PTPN3: variants seen among roughly 807,000 people sequenced by gnomAD.
The protein encoded by PTPN3 is tyrosine-protein phosphatase non-receptor type 3.
A neutral mutation model predicts 132.7 loss-of-function variants in PTPN3; 96 were observed. That is an observed-to-expected ratio of 0.72 (90% CI 0.61 to 0.86). The LOEUF (loss-of-function observed/expected upper bound fraction) is 0.86, where lower values mean the gene tolerates loss of function less well. Ranked by LOEUF, PTPN3 falls within the 40% of genes least tolerant of loss-of-function variation. The pLI is 0.00. For synonymous variants in PTPN3, 398 were observed against 429.0 expected (o/e 0.93, Z 0.89); for missense variants, 1,125 against 1,159.6 (o/e 0.97, Z 0.43).
chr9:109,428,931 CAT>C, intron 10 of PTPN3: 1 of 985,418 alleles, frequency 1.0e-6, no homozygotes, highest in Non-Finnish European at 1.2e-6. Context: ...TAACAAGAAA[CAT>C]AGGCCATGCG....
At chr9:109,449,442 T>G in intron 5 of PTPN3, 1 of 985,544 alleles carries the variant, frequency 1.0e-6, no homozygotes, top group Non-Finnish European at 1.2e-6. Flanking sequence ...TTCCAGGACC[T>G]CCAAGCTGAA....
At chr9:109,525,060 A>AT in the PTPN3 span, among the ~76,000 whole-genome samples, 2 of 148,820 alleles carry the variant, frequency 1.3e-5, no homozygotes, top group Admixed American at 6.7e-5. Context: ...TATTTTTATT[A>AT]TTTTTTACAG....
At chr9:109,509,818 T>C in the PTPN3 span, among the ~76,000 whole-genome samples, 1 of 152,048 alleles carries the variant, frequency 6.6e-6, no homozygotes, top group Non-Finnish European at 1.5e-5. Context: ...GTTGGGTTCC[T>C]GACCCAAACA....
intron 12 of PTPN3, 29 bp downstream of exon 12, chr9:109,426,921 T>C (rs1843320892): frequency 5.7e-6 from 9 of 1,578,022 alleles, no homozygotes; most frequent in African/African-American, 1.3e-5. Context: ...CTCAGCCTAG[T>C]GTGGACACAG....
At chr9:109,411,210 G>A (rs761427270) in intron 14 of PTPN3, among the ~76,000 whole-genome samples, 108 of 152,156 alleles carry the variant, frequency 7.1e-4, no homozygotes, top group African/African-American at 2.2e-3. Flanking sequence ...TGATGAAAAC[G>A]GAACAGAACT....
chr9:109,385,637 C>T (rs1298475280), intron 22 of PTPN3, among the ~76,000 whole-genome samples: 1 of 152,160 alleles, frequency 6.6e-6, no homozygotes, highest in Non-Finnish European at 1.5e-5. Context: ...TCTGGAATGA[C>T]AAGAAAATGC....
chr9:109,390,431 T>TTAC (rs1482712220), intron 21 of PTPN3, among the ~76,000 whole-genome samples: 2 of 152,294 alleles, frequency 1.3e-5, no homozygotes, highest in East Asian at 3.9e-4. Flanking sequence ...AGATCACATA[T>TTAC]TACTATCTGG....
chr9:109,448,775 T>C (rs971442423), intron 6 of PTPN3, 36 bp downstream of exon 6: 2 of 1,561,252 alleles, frequency 1.3e-6, no homozygotes, highest in Admixed American at 4.0e-5. Context: ...ATTTTGCTAG[T>C]CTAACAGGAA....
intron 16 of PTPN3, 60 bp from the exon 17 acceptor site, chr9:109,408,437 C>CAAAA (rs1554783014): frequency 1.5e-5 from 21 of 1,380,478 alleles, no homozygotes; most frequent in Admixed American, 2.0e-5. Context: ...AACAAACAAA[C>CAAAA]AAAAAAACGA....
the PTPN3 span, chr9:109,533,517 G>C: frequency 6.3e-7 from 1 of 1,598,594 alleles, no homozygotes; most frequent in Non-Finnish European, 8.6e-7. Flanking sequence ...TGCTGACCTT[G>C]GGTCTCACCT....
At chr9:109,509,814 T>C in the PTPN3 span, among the ~76,000 whole-genome samples, 2 of 152,148 alleles carry the variant, frequency 1.3e-5, no homozygotes, top group African/African-American at 4.8e-5. Flanking sequence ...TGATGTTGGG[T>C]TCCTGACCCA....
chr9:109,446,601 T>C (rs147554069), intron 6 of PTPN3, among the ~76,000 whole-genome samples: 396 of 152,054 alleles, frequency 2.6e-3, no homozygotes, highest in Non-Finnish European at 2.6e-3. Flanking sequence ...CAAGATGGGG[T>C]TTGATTAAAT....
chr9:109,451,911 G>C (rs1845270479), intron 5 of PTPN3, among the ~76,000 whole-genome samples: 1 of 152,180 alleles, frequency 6.6e-6, no homozygotes, highest in African/African-American at 2.4e-5. Flanking sequence ...GTCCAGACTT[G>C]GGGTTGGAAC....
the PTPN3 span, among the ~76,000 whole-genome samples, chr9:109,508,156 C>T: frequency 2.3e-5 from 3 of 132,118 alleles, no homozygotes; most frequent in South Asian, 2.7e-4. Context: ...TGATCTGTTT[C>T]TCTCTCTCTT....
At chr9:109,499,070 A>G (rs938941303), upstream of PTPN3, among the ~76,000 whole-genome samples, 6 of 150,422 alleles carry the variant, frequency 4.0e-5, no homozygotes, top group African/African-American at 9.9e-5. Context: ...TTGAGCACCT[A>G]TTCTGGTTTT....
rs556428772 is a variant in PTPN3, at chr9:109,471,900, CTTCAGAG to C, written c.-17-8456_-17-8450del. Reference sequence around the variant, plus strand: ...GGTGGAAAATCTTCCACCAGACAATCTTCAGAGTTCCTTTTGGTTCTGCCTGTCTATG... The same window carrying C: ...GGTGGAAAATCTTCCACCAGACAATCTTCCTTTTGGTTCTGCCTGTCTATG... On this transcript the variant is annotated intron_variant, in intron 1 of 25. Transcript: ENST00000374541. Among the ~76,000 whole-genome samples the C allele has an allele frequency of 2.4e-3, 363 of 152,304 alleles. 1 individual carries two copies. Among genetic ancestry groups the C allele is most frequent in the African/African-American group, 8.0e-3 (332 of 41,560 alleles).
intron 19 of PTPN3, among the ~76,000 whole-genome samples, chr9:109,403,122 C>T (rs1201288542): frequency 6.6e-6 from 1 of 152,062 alleles, no homozygotes; most frequent in Admixed American, 6.6e-5. Flanking sequence ...ATTGTTTTGG[C>T]GGGGAAGTCA....
chr9:109,430,956 G>C (rs1843619948), intron 10 of PTPN3, among the ~76,000 whole-genome samples: 1 of 152,232 alleles, frequency 6.6e-6, no homozygotes, highest in African/African-American at 2.4e-5. Flanking sequence ...CTGGTGTTCA[G>C]ATCCTGGTGA....
At chr9:109,444,986 G>A (rs1460885839) in intron 7 of PTPN3, among the ~76,000 whole-genome samples, 1 of 152,220 alleles carries the variant, frequency 6.6e-6, no homozygotes, top group Non-Finnish European at 1.5e-5. Context: ...CTGTCTGATG[G>A]GCTCCCTTGG....
Sources: gnomAD v4.1 joint callset for allele counts (sites outside exome capture counted in the v4.1 genomes callset) on GRCh38, gnomAD v4.1.1 for gene constraint, MANE v1.5 for transcripts, NCBI Gene and HGNC (gene_info 2026-07-23, HGNC 2026-07-21) for gene names.